Variants in DNAH5 observed in about 807,000 individuals in gnomAD.
The protein encoded by DNAH5 is axonemal beta dynein heavy chain 5.
DNAH5 carries 372 observed loss-of-function variants against 518.2 expected under a neutral mutation model. The ratio of observed to expected loss-of-function variants is 0.72; its 90% CI spans 0.66 to 0.78. DNAH5 has a LOEUF of 0.78. DNAH5 is among the 30% of genes least tolerant of loss of function. The pLI is 0.00. For synonymous variants in DNAH5, 2,039 were observed against 2,025.9 expected, an observed-to-expected ratio of 1.01 and a Z score of -0.17; for missense variants, 5,523 against 5,687.0, an observed-to-expected ratio of 0.97 and a Z score of 0.93.
intron 43 of DNAH5, 29 bp from the exon 44 acceptor site, chr5:13,811,852 G>C: frequency 1.2e-6 from 2 of 1,611,782 alleles, no homozygotes; most frequent in African/African-American, 1.3e-5. Flanking sequence ...GTGTATTCAT[G>C]AAACTTATTA....
chr5:13,778,582 GAAAGAA>G (rs1408841254), intron 53 of DNAH5, among the ~76,000 whole-genome samples: 6 of 76,920 alleles, frequency 7.8e-5, no homozygotes, highest in East Asian at 7.9e-4. Flanking sequence ...AAGAAAGAAA[GAAAGAA>G]AGAAAGAAAG....
rs1195641253 is a variant in DNAH5 at position 13,700,785 on chromosome 5, A to G, written c.13578T>C (p.Ser4526=). ...EVTKWMKDDI[S]APPTEGVYVY... ...CATAGACACCCTCTGTGGGAGGGGCAGAAATGTCGTCCTTCATCCATTTGG... is the reference window on the plus strand; with the variant it reads ...CATAGACACCCTCTGTGGGAGGGGCGGAAATGTCGTCCTTCATCCATTTGG... Residue 4526 remains serine, a synonymous_variant, in exon 78 of 79, where the codon TCT becomes TCC. Coordinates refer to ENST00000265104, the MANE Select transcript of DNAH5 (RefSeq NM_001369.3). 1.2e-6 allele frequency: 2 copies of G among 1,614,192 alleles called. No individual in the cohort carries two copies. The highest frequency in any genetic ancestry group is 1.7e-6 in the Non-Finnish European group (2 of 1,180,006).
At chr5:13,923,761 C>T (rs879440655) in intron 3 of DNAH5, among the ~76,000 whole-genome samples, 4 of 152,066 alleles carry the variant, frequency 2.6e-5, no homozygotes, top group Admixed American at 1.3e-4. Context: ...ACTCACAACC[C>T]GGCTGGGTGC....
chr5:13,779,826 T>C (rs1502049), intron 53 of DNAH5, among the ~76,000 whole-genome samples: 47,601 of 151,984 alleles, frequency 0.31, 8,010 homozygotes, highest in South Asian at 0.44. Context: ...TTCCACTCTC[T>C]ATTCTCCATT....
Position 13,753,459 on chromosome 5 carries a change from T to G in DNAH5, c.10646A>C (p.Glu3549Ala). Reference protein sequence around the residue: ...RDLLLNDWRKEMKARKIPFGK... With the variant: ...RDLLLNDWRKAMKARKIPFGK... ...AAATGGAATTTTCCGGGCTTTCATT[T>G]CCTTCCGCCAGTCATTTAACAGAAG... is the stretch of plus-strand genomic sequence containing the variant. Residue 3549 changes from glutamate to alanine, a missense_variant, in exon 63 of 79, where the codon GAA becomes GCA. Glu to Ala is a moderately radical substitution (Grantham distance 107). Coordinates refer to ENST00000265104, the MANE Select transcript of DNAH5 (RefSeq NM_001369.3). 3 of 1,614,082 alleles carry G rather than the reference T, an allele frequency of 1.9e-6. No individual in the cohort carries two copies. Among genetic ancestry groups the G allele is most frequent in the Non-Finnish European group, 2.5e-6 (3 of 1,179,964 alleles).
Position 13,871,603 on chromosome 5 carries a change from G to A in DNAH5, c.3559C>T (p.Pro1187Ser). 1.2e-6 allele frequency: 2 copies of A among 1,613,618 alleles called. No homozygotes were observed. The highest frequency in any genetic ancestry group is 8.5e-7 in the Non-Finnish European group (1 of 1,179,700). ...QNLEQEINAEPEYVCVGSIAL... is the reference protein window; with the variant it reads ...QNLEQEINAESEYVCVGSIAL... ...ATGGAACCCACACAGACATATTCAG[G>A]CTCAGCATTAATTTCCTGCTCTAGG... is the stretch of plus-strand genomic sequence containing the variant. The change falls in exon 23 of 79, where the codon CCT becomes TCT. Residue 1187 changes from proline (P) to serine (S), a missense_variant. Around this residue, in one of 3 missense-constraint regions of DNAH5, gnomAD observed 5,121 missense variants for 5,223.3 expected, o/e 0.98. Transcript: ENST00000265104.
intron 47 of DNAH5, among the ~76,000 whole-genome samples, chr5:13,807,324 C>T (rs975132055): frequency 1.1e-4 from 16 of 152,154 alleles, no homozygotes; most frequent in Non-Finnish European, 1.6e-4. Flanking sequence ...TGCGTGTTCA[C>T]AGTATTTTCT....
In DNAH5 at chr5:13,875,190, G is replaced by A. The variant is rs75784564; in HGVS notation, c.3396+1494C>T. On this transcript the variant is annotated intron_variant, in intron 22 of 78. Transcript: ENST00000265104. ...ATGCAATAAAAGTGACACAGAGGCC[G>A]GGCACGGTGGCTCACGACTGTAATC... is the stretch of plus-strand genomic sequence containing the variant. Among the ~76,000 whole-genome samples, 94 of 152,218 alleles carry A rather than the reference G, an allele frequency of 6.2e-4. 1 individual carries two copies. In the East Asian group the frequency reaches 0.016, roughly 25 times the overall value.
chr5:13,762,642 T>C (rs1348839871), intron 60 of DNAH5, 80 bp downstream of exon 60: 3 of 1,303,352 alleles, frequency 2.3e-6, no homozygotes, highest in Non-Finnish European at 3.3e-6. Context: ...CACAGGCACA[T>C]GTGCTCCTGT....
At position 13,780,768 on chromosome 5, in the gene DNAH5, T is replaced by C. The variant is rs1434314688; in HGVS notation, c.8951+61A>G. 4.4e-6 allele frequency: 7 copies of C among 1,583,904 alleles called. No homozygotes were observed. The East Asian group carries it at 1.6e-4, about 36-fold the overall frequency. On this transcript the variant is annotated intron_variant, in intron 53 of 78. Transcript: ENST00000265104. ...AAGAGAAATGCATTTGAACTTCAGGTGGCCTCTGAGCACCTTTTATCAAAA... is the reference window on the plus strand; with the variant it reads ...AAGAGAAATGCATTTGAACTTCAGGCGGCCTCTGAGCACCTTTTATCAAAA...
chr5:13,695,748 T>C (rs576945418), intron 78 of DNAH5, among the ~76,000 whole-genome samples: 2 of 152,280 alleles, frequency 1.3e-5, no homozygotes, highest in East Asian at 3.9e-4. Flanking sequence ...GTATGATGCC[T>C]GGAATGTAGA....
At chr5:13,868,292 T>A (rs1307912689) in intron 24 of DNAH5, among the ~76,000 whole-genome samples, 1 of 152,236 alleles carries the variant, frequency 6.6e-6, no homozygotes, top group Non-Finnish European at 1.5e-5. Context: ...ATAAAAGATA[T>A]TTTTACTTAG....
At chr5:13,936,138 A>G (rs370762653) in intron 1 of DNAH5, among the ~76,000 whole-genome samples, 2 of 152,320 alleles carry the variant, frequency 1.3e-5, no homozygotes, top group East Asian at 3.9e-4. Flanking sequence ...TGATGTCAGA[A>G]TGAGGTGGTA....
intron 1 of DNAH5, among the ~76,000 whole-genome samples, chr5:14,009,547 A>G (rs1368418196): frequency 1.3e-5 from 2 of 152,244 alleles, no homozygotes; most frequent in Non-Finnish European, 2.9e-5. Flanking sequence ...AGAATGCATA[A>G]TCAATTATTA....
At chr5:13,845,812 T>C (rs1373718392) in intron 31 of DNAH5, among the ~76,000 whole-genome samples, 1 of 150,750 alleles carries the variant, frequency 6.6e-6, no homozygotes, top group Non-Finnish European at 1.5e-5. Context: ...GTATTAGTAT[T>C]CATTTTAGCC....
At chr5:13,862,776 TG>T (rs1194215837) in intron 28 of DNAH5, 29 bp from the exon 29 acceptor site, 4 of 1,588,746 alleles carry the variant, frequency 2.5e-6, no homozygotes, top group Non-Finnish European at 3.4e-6. Context: ...CTCATGTTAT[TG>T]CATGAAAGTC....
At chr5:13,970,259 CT>C (rs1363614395) in intron 1 of DNAH5, among the ~76,000 whole-genome samples, 1 of 152,112 alleles carries the variant, frequency 6.6e-6, no homozygotes, top group Non-Finnish European at 1.5e-5. Context: ...CTTGCTGTAT[CT>C]TTTAAGTGGA....
intron 35 of DNAH5, among the ~76,000 whole-genome samples, chr5:13,831,602 C>T (rs1192067987): frequency 2.6e-5 from 4 of 152,150 alleles, no homozygotes; most frequent in Non-Finnish European, 4.4e-5. Context: ...GGGGGTGGTT[C>T]CAGGTTCTCA....
intron 59 of DNAH5, among the ~76,000 whole-genome samples, chr5:13,763,302 T>C (rs560465804): frequency 1.3e-5 from 2 of 152,360 alleles, no homozygotes; most frequent in East Asian, 1.9e-4. Context: ...CACCTAGGTG[T>C]ATTCAGTCTG....
Sources: allele counts gnomAD v4.1 joint callset (sites outside exome capture counted in the v4.1 genomes callset), GRCh38; gene constraint gnomAD v4.1.1; regional missense constraint gnomAD v4.1.1; transcripts MANE v1.5; gene names NCBI Gene and HGNC (gene_info 2026-07-23, HGNC 2026-07-21).